The following GTF2F2 variants were observed in gnomAD, a reference collection of about 807,000 sequenced individuals.
The protein encoded by GTF2F2 is general transcription factor IIF subunit 2, also known as ATP-dependent helicase GTF2F2.
A neutral mutation model predicts 42.2 loss-of-function variants in GTF2F2; 23 were observed. The observed-to-expected ratio is 0.55, with a 90% CI of 0.39 to 0.77. The LOEUF is 0.77. Among genes scored for constraint, GTF2F2 ranks in the 30% least tolerant of loss-of-function variants. The pLI is 0.00. For missense variants in GTF2F2, 261 were observed against 287.2 expected (o/e 0.91, Z 0.66); for synonymous variants, 105 against 100.8 (o/e 1.04, Z -0.25).
At chr13:45,166,178 T>TA (rs1339564764) in intron 4 of GTF2F2, among the ~76,000 whole-genome samples, 4 of 152,186 alleles carry the variant, frequency 2.6e-5, no homozygotes, top group African/African-American at 7.2e-5. Flanking sequence ...GTCATTATGA[T>TA]ACCTAAAAAA....
intron 1 of GTF2F2, among the ~76,000 whole-genome samples, chr13:45,135,902 G>A (rs1270376765): frequency 6.6e-6 from 1 of 152,192 alleles, no homozygotes; most frequent in Admixed American, 6.5e-5. Flanking sequence ...TGATTCCAGA[G>A]TCCAAATTAC....
chr13:45,283,338 A>T (rs146367775), intron 7 of GTF2F2, 104 bp from the exon 8 acceptor site: 1 of 1,033,138 alleles, frequency 9.7e-7, no homozygotes, highest in Non-Finnish European at 1.4e-6. Context: ...TTTTAGGATC[A>T]TAATTTTTAT....
intron 3 of GTF2F2, among the ~76,000 whole-genome samples, chr13:45,150,649 A>G (rs1339296164): frequency 2.2e-5 from 2 of 91,548 alleles, no homozygotes; most frequent in African/African-American, 4.6e-5. Flanking sequence ...ATTTTAGGGA[A>G]AAAAAAAAAA....
At chr13:45,163,183 A>G (rs574517830) in intron 4 of GTF2F2, among the ~76,000 whole-genome samples, 2 of 152,268 alleles carry the variant, frequency 1.3e-5, no homozygotes, top group East Asian at 1.9e-4. Context: ...CTATACAAAC[A>G]TATTTCTCTT....
intron 4 of GTF2F2, among the ~76,000 whole-genome samples, chr13:45,163,628 T>C (rs1325593529): frequency 6.6e-6 from 1 of 152,196 alleles, no homozygotes; most frequent in Non-Finnish European, 1.5e-5. Context: ...ATTTTAAAAA[T>C]TTCATTTCCT....
chr13:45,167,478 A>G (rs1593466570), intron 4 of GTF2F2, among the ~76,000 whole-genome samples: 1 of 147,916 alleles, frequency 6.8e-6, no homozygotes, highest in Admixed American at 6.8e-5. Context: ...GCTCACTGCA[A>G]CCTCCGCCTC....
intron 6 of GTF2F2, among the ~76,000 whole-genome samples, chr13:45,255,716 G>A (rs1289757106): frequency 6.6e-6 from 1 of 152,196 alleles, no homozygotes; most frequent in African/African-American, 2.4e-5. Context: ...ATAGATCTTA[G>A]TTGTTTTTGC....
intron 4 of GTF2F2, among the ~76,000 whole-genome samples, chr13:45,167,396 A>ATTTTT (rs761750778): frequency 0.025 from 2,599 of 104,174 alleles, 92 homozygotes; most frequent in African/African-American, 0.035. Flanking sequence ...TCACCCAGCT[A>ATTTTT]TTTTTTTTTT....
chr13:45,157,103 G>C (rs1285462392), intron 4 of GTF2F2, among the ~76,000 whole-genome samples: 1 of 152,196 alleles, frequency 6.6e-6, no homozygotes, highest in African/African-American at 2.4e-5. Flanking sequence ...AATTTGAACA[G>C]TCTTGAAGGA....
chr13:45,278,816 CTTTT>C (rs1157972776), intron 7 of GTF2F2, among the ~76,000 whole-genome samples: 6 of 62,300 alleles, frequency 9.6e-5, no homozygotes, highest in African/African-American at 3.5e-4. Context: ...TTTTCTTTTT[CTTTT>C]TTTTTTTTTT....
intron 4 of GTF2F2, among the ~76,000 whole-genome samples, chr13:45,197,136 T>C (rs1872935258): frequency 6.6e-6 from 1 of 151,900 alleles, no homozygotes; most frequent in Non-Finnish European, 1.5e-5. Flanking sequence ...AGCTTTGTCT[T>C]AGTGCCTGGC....
chr13:45,196,599 G>A (rs973698936), intron 4 of GTF2F2, among the ~76,000 whole-genome samples: 1 of 152,152 alleles, frequency 6.6e-6, no homozygotes, highest in Admixed American at 6.5e-5. Flanking sequence ...TTCATTTATA[G>A]GTATAGTCCT....
chr13:45,219,470 A>G (rs1874023421), intron 5 of GTF2F2: 1 of 152,248 alleles, frequency 6.6e-6, no homozygotes, highest in African/African-American at 2.4e-5. Context: ...CCGTTACATT[A>G]TAAAATAAAT....
intron 5 of GTF2F2, among the ~76,000 whole-genome samples, chr13:45,240,045 T>C (rs951027759): frequency 3.3e-5 from 5 of 151,324 alleles, no homozygotes; most frequent in Non-Finnish European, 5.9e-5. Context: ...TTGAATCTTA[T>C]GAAGATGCTA....
chr13:45,267,370 A>G lies in GTF2F2; in HGVS notation c.624A>G (p.Gln208=). ...NLKDLVDITK[Q]PVVYLKEILK... is the part of the protein sequence containing the mutation. Reference sequence around the variant, plus strand: ...AGGACTTGGTGGACATCACAAAGCAACCTGTGGTATGTATATGTTCATACT... The same window carrying G: ...AGGACTTGGTGGACATCACAAAGCAGCCTGTGGTATGTATATGTTCATACT... The change falls in exon 7 of 8, where the codon CAA becomes CAG. Residue 208 remains glutamine, a synonymous_variant. Coordinates refer to ENST00000340473, the MANE Select transcript of GTF2F2 (RefSeq NM_004128.3). 2.5e-6 allele frequency: 4 copies of G among 1,601,886 alleles called. No homozygotes were observed. Among genetic ancestry groups the G allele is most frequent in the South Asian group, 1.1e-5 (1 of 90,118 alleles).
intron 2 of GTF2F2, among the ~76,000 whole-genome samples, 175 bp downstream of exon 2, chr13:45,136,981 A>G (rs1446606891): frequency 6.6e-6 from 1 of 152,230 alleles, no homozygotes; most frequent in Non-Finnish European, 1.5e-5. Flanking sequence ...ATCCTTGCAC[A>G]TACACACATA....
At chr13:45,272,238 T>C (rs1876823294) in intron 7 of GTF2F2, among the ~76,000 whole-genome samples, 1 of 150,908 alleles carries the variant, frequency 6.6e-6, no homozygotes, top group African/African-American at 2.4e-5. Flanking sequence ...ATATGAAATG[T>C]GATGTAAAAT....
intron 4 of GTF2F2, among the ~76,000 whole-genome samples, chr13:45,165,879 T>C (rs1871275006): frequency 6.9e-6 from 1 of 145,908 alleles, no homozygotes; most frequent in African/African-American, 2.6e-5. Context: ...AGTGGTGTGA[T>C]CTCGGCCTAC....
At chr13:45,210,911 T>TG (rs1336448535) in intron 5 of GTF2F2, among the ~76,000 whole-genome samples, 16 of 152,204 alleles carry the variant, frequency 1.1e-4, no homozygotes, top group African/African-American at 3.9e-4. Context: ...TTGAAGCAGA[T>TG]ATAATAATCC....
Sources: gnomAD v4.1 joint callset for allele counts (sites outside exome capture counted in the v4.1 genomes callset) on GRCh38, gnomAD v4.1.1 for gene constraint, MANE v1.5 for transcripts, NCBI Gene and HGNC (gene_info 2026-07-23, HGNC 2026-07-21) for gene names.